The following CLIP2 variants were observed in gnomAD, a reference collection of about 807,000 sequenced individuals.
The protein encoded by CLIP2 is CAP-Gly domain containing linker protein 2, also known as CAP-Gly domain-containing linker protein 2.
In CLIP2, 41 loss-of-function variants were observed where a neutral mutation model predicts 111.7. That is an observed-to-expected ratio of 0.37 (90% CI 0.29 to 0.48). The LOEUF (loss-of-function observed/expected upper bound fraction) is 0.48, where lower values mean the gene tolerates loss of function less well. Among genes scored for constraint, CLIP2 ranks in the 20% least tolerant of loss-of-function variants. CLIP2 has a pLI of 0.99. For synonymous variants in CLIP2, 660 were observed against 644.2 expected (o/e 1.02, Z -0.37); for missense variants, 1,160 against 1,422.1 (o/e 0.82, Z 2.96).
At chr7:74,314,213 G>A (rs1314531815) in intron 1 of CLIP2, among the ~76,000 whole-genome samples, 8 of 150,408 alleles carry the variant, frequency 5.3e-5, no homozygotes, top group South Asian at 2.1e-4. Context: ...AAAAGGGACC[G>A]GGTGCGGTGG....
chr7:74,316,560 CTTTT>C (rs547451254), intron 1 of CLIP2, among the ~76,000 whole-genome samples: 2 of 138,450 alleles, frequency 1.4e-5, no homozygotes, highest in Non-Finnish European at 3.2e-5. Context: ...CCTTTTAGGG[CTTTT>C]TTTTTTTTTC....
chr7:74,403,794 G>A (rs1169899110), intron 16 of CLIP2, 43 bp from the exon 17 acceptor site: 3 of 1,611,810 alleles, frequency 1.9e-6, no homozygotes, highest in African/African-American at 1.3e-5. Flanking sequence ...GGCCCTCCAG[G>A]CTCTCTGAGA....
chr7:74,397,794 G>A (rs1385805880), intron 14 of CLIP2, among the ~76,000 whole-genome samples: 1 of 150,872 alleles, frequency 6.6e-6, no homozygotes, highest in Non-Finnish European at 1.5e-5. Context: ...AGCCTCCCAA[G>A]TAGCTGGGAC....
Position 74,301,549 on chromosome 7 carries a change from A to ATTT in CLIP2, c.-68+11827_-68+11829dup, listed in dbSNP as rs56384152. Among the ~76,000 whole-genome samples the ATTT allele has an allele frequency of 7.3e-3, 1,056 of 144,428 alleles. 8 individuals are homozygous for ATTT. Among genetic ancestry groups the ATTT allele is most frequent in the Non-Finnish European group, 0.011 (744 of 66,404 alleles). The allele number at this position is 144,428 out of a possible 152,430, so 94.8% of individuals were successfully genotyped here. On this transcript the variant is annotated intron_variant, in intron 1 of 16. Transcript: ENST00000223398. ...AGGCACCCGCCACAATGCCCGGCTA[A>ATTT]TTTTTTTTTTTTTTGTATTTTTGGT...
chr7:74,384,441 A>ATTTTTT (rs533449196), intron 11 of CLIP2, among the ~76,000 whole-genome samples: 3 of 98,470 alleles, frequency 3.0e-5, no homozygotes, highest in East Asian at 3.5e-4. Flanking sequence ...AGGTCATATG[A>ATTTTTT]TTTTTTTTTT....
rs886433192 is a variant in CLIP2 at position 74,400,564 on chromosome 7, C to T, written c.3066+9C>T. 9 of 1,537,878 alleles carry T rather than the reference C, an allele frequency of 5.9e-6. No individual in the cohort carries two copies. The East Asian group carries it at 1.5e-4, about 25-fold the overall frequency. ...GCCCTGACAAGGCCCAGGTGAGCCG[C>T]GGCTGACAGGGCCCACCAGGAGGCA... On this transcript the variant is annotated intron_variant, in intron 15 of 16. Transcript: ENST00000223398.
intron 1 of CLIP2, among the ~76,000 whole-genome samples, chr7:74,312,344 G>A (rs1554728631): frequency 6.6e-6 from 1 of 152,124 alleles, no homozygotes; most frequent in Non-Finnish European, 1.5e-5. Flanking sequence ...TGGTGGGGGG[G>A]CGGGGGTCAG....
chr7:74,351,611 A>G (rs1433361995), intron 3 of CLIP2, among the ~76,000 whole-genome samples: 1 of 151,904 alleles, frequency 6.6e-6, no homozygotes, highest in African/African-American at 2.4e-5. Context: ...TAAGGAGGGC[A>G]GATCACCTGA....
At chr7:74,362,211 A>G (rs1554309905) in intron 7 of CLIP2, among the ~76,000 whole-genome samples, 1 of 151,998 alleles carries the variant, frequency 6.6e-6, no homozygotes. Flanking sequence ...ACCTCCTTGT[A>G]GGACACAAAG....
intron 10 of CLIP2, among the ~76,000 whole-genome samples, chr7:74,378,556 A>G (rs1050407864): frequency 1.3e-5 from 2 of 152,152 alleles, no homozygotes; most frequent in African/African-American, 4.8e-5. Context: ...CCTGGACAAC[A>G]TAGTTAGACC....
intron 5 of CLIP2, 137 bp downstream of exon 5, chr7:74,356,760 A>T (rs1001984658): frequency 6.6e-6 from 5 of 754,326 alleles, no homozygotes; most frequent in East Asian, 2.7e-5. Flanking sequence ...AAGAAAGTGC[A>T]TATCTTTTAA....
chr7:74,403,079 T>C (rs1298060681), intron 16 of CLIP2, among the ~76,000 whole-genome samples: 1 of 148,618 alleles, frequency 6.7e-6, no homozygotes, highest in Admixed American at 6.8e-5. Context: ...ATCATCTGGG[T>C]GTGGTGGCAC....
intron 1 of CLIP2, among the ~76,000 whole-genome samples, chr7:74,313,023 A>G (rs1467670404): frequency 6.8e-6 from 1 of 147,026 alleles, no homozygotes; most frequent in Non-Finnish European, 1.5e-5. Context: ...TAGGTTTAGG[A>G]AAAAAAAAAA....
chr7:74,382,951 G>A (rs1403649834), intron 11 of CLIP2, among the ~76,000 whole-genome samples: 1 of 151,566 alleles, frequency 6.6e-6, no homozygotes, highest in African/African-American at 2.4e-5. Flanking sequence ...ATGGTGGCAT[G>A]CAGCTATAGT....
rs535977715 is a variant in CLIP2 at position 74,322,833 on chromosome 7, C to T, written c.121+5166C>T. On this transcript the variant is annotated intron_variant, in intron 2 of 16. Transcript: ENST00000223398. ...GCAACCTTCGACTCCCTGGTTCAGG[C>T]GATTCTCCTGCTTCAGCCTCCCAAG... Among the ~76,000 whole-genome samples, 6 of 152,116 alleles carry T rather than the reference C, an allele frequency of 3.9e-5. No individual in the cohort carries two copies. In the South Asian group the frequency reaches 1.2e-3, roughly 32 times the overall value.
intron 1 of CLIP2, among the ~76,000 whole-genome samples, chr7:74,310,036 C>CAAAAAAAAAAAAAAAAAAAAAAA (rs71094774): frequency 4.3e-5 from 4 of 92,512 alleles, no homozygotes; most frequent in African/African-American, 1.2e-4. Context: ...CCTGTCTCTA[C>CAAAAAAAAAAAAAAAAAAAAAAA]AAAAAAAAAA....
chr7:74,401,599 C>T (rs782280194), intron 16 of CLIP2, 32 bp downstream of exon 16: 1 of 1,601,276 alleles, frequency 6.2e-7, no homozygotes, highest in East Asian at 2.2e-5. Flanking sequence ...CCAGGTCCCT[C>T]CCGTGCAGGC....
intron 14 of CLIP2, among the ~76,000 whole-genome samples, chr7:74,398,836 G>C (rs79194192): frequency 1.3e-5 from 2 of 152,168 alleles, no homozygotes; most frequent in Non-Finnish European, 2.9e-5. Flanking sequence ...GGGTTGGCAC[G>C]GACTGGGGAG....
intron 16 of CLIP2, among the ~76,000 whole-genome samples, chr7:74,401,988 C>T (rs1003027327): frequency 6.6e-6 from 1 of 151,894 alleles, no homozygotes. Context: ...AAAGGCTGGG[C>T]ACAGTGGCTC....
Sources: allele counts gnomAD v4.1 joint callset (sites outside exome capture counted in the v4.1 genomes callset), GRCh38; gene constraint gnomAD v4.1.1; transcripts MANE v1.5; gene names NCBI Gene and HGNC (gene_info 2026-07-23, HGNC 2026-07-21).